Variants in PCDH15 observed in about 807,000 individuals in gnomAD.
PCDH15 encodes protocadherin related 15.
Under a neutral mutation model 178.5 loss-of-function variants are expected in PCDH15, and 129 were observed. The ratio of observed to expected loss-of-function variants is 0.72; its 90% CI spans 0.63 to 0.84. The LOEUF (loss-of-function observed/expected upper bound fraction) is 0.84. Among genes scored for constraint, PCDH15 ranks in the 40% least tolerant of loss-of-function variants. The pLI, the probability that PCDH15 is intolerant of heterozygous loss-of-function variation, is 0.00. For synonymous variants in PCDH15, 800 were observed against 732.0 expected (o/e 1.09, Z -1.50); for missense variants, 2,230 against 2,099.9 (o/e 1.06, Z -1.21).
chr10:54,430,788 A>G (rs1956875544), intron 3 of PCDH15, among the ~76,000 whole-genome samples: 1 of 152,132 alleles, frequency 6.6e-6, no homozygotes, highest in Non-Finnish European at 1.5e-5. Flanking sequence ...AAAAATTCCA[A>G]TGAAGAAAAC....
chr10:54,969,280 T>G (rs1156688580), intron 2 of PCDH15, among the ~76,000 whole-genome samples: 1 of 152,158 alleles, frequency 6.6e-6, no homozygotes, highest in African/African-American at 2.4e-5. Flanking sequence ...TGGTATGGCT[T>G]TTTTTATTTA....
At chr10:54,281,164 C>T (rs1027751788) in intron 8 of PCDH15, among the ~76,000 whole-genome samples, 1 of 151,814 alleles carries the variant, frequency 6.6e-6, no homozygotes, top group Non-Finnish European at 1.5e-5. Context: ...TAGAAAAATT[C>T]TCAGCCCACT....
At chr10:54,833,222 T>C (rs1953256330) in intron 3 of PCDH15, among the ~76,000 whole-genome samples, 1 of 152,142 alleles carries the variant, frequency 6.6e-6, no homozygotes, top group South Asian at 2.1e-4. Flanking sequence ...TCTCTCATGA[T>C]TGCATCATTA....
chr10:55,420,613 G>A (rs999982548), intron 2 of PCDH15, among the ~76,000 whole-genome samples: 46 of 151,344 alleles, frequency 3.0e-4, no homozygotes, highest in African/African-American at 9.4e-4. Context: ...TGGAGCATGG[G>A]GAACAGGAAA....
At chr10:54,863,146 T>A (rs1591749822) in intron 3 of PCDH15, among the ~76,000 whole-genome samples, 1 of 152,324 alleles carries the variant, frequency 6.6e-6, no homozygotes, top group Non-Finnish European at 1.5e-5. Context: ...TAAGTTATAA[T>A]GATGTTCTAT....
intron 3 of PCDH15, among the ~76,000 whole-genome samples, chr10:54,821,840 T>C (rs1162562583): frequency 6.6e-6 from 1 of 151,556 alleles, no homozygotes; most frequent in Non-Finnish European, 1.5e-5. Context: ...TTTGGAGGAA[T>C]TTTTTTTTAT....
intron 2 of PCDH15, among the ~76,000 whole-genome samples, chr10:54,965,169 G>C (rs1256236904): frequency 1.3e-5 from 2 of 152,106 alleles, no homozygotes; most frequent in African/African-American, 2.4e-5. Flanking sequence ...ACAATATTTT[G>C]CAAGTAAGGT....
In PCDH15 at chr10:55,371,230, T is replaced by G. The variant is rs1845500704; in HGVS notation, c.-155-204579A>C. 2.6e-5 allele frequency among the ~76,000 whole-genome samples: 4 copies of G among 152,120 alleles called. No individual in the cohort carries two copies. The South Asian group carries it at 8.3e-4, about 32-fold the overall frequency. The stretch of plus-strand genomic sequence containing the variant: ...TAATTATAGGGAGACTACTACAGAC[T>G]GATTATTCTCAAATGTGATCTCATA... On this transcript the variant is annotated intron_variant, in intron 2 of 5. Transcript: ENST00000613346.
At chr10:54,610,157 G>A (rs2092912862) in intron 2 of PCDH15, among the ~76,000 whole-genome samples, 1 of 151,776 alleles carries the variant, frequency 6.6e-6, no homozygotes, top group Non-Finnish European at 1.5e-5. Context: ...AGGTAAAGAG[G>A]CTTTGTTTAC....
At chr10:54,142,881 C>CA (rs1338858295) in intron 14 of PCDH15, among the ~76,000 whole-genome samples, 1 of 152,098 alleles carries the variant, frequency 6.6e-6, no homozygotes, top group Non-Finnish European at 1.5e-5. Context: ...GCTTAAGAAA[C>CA]AGAGTCTCCT....
At chr10:54,287,964 A>T (rs564858055) in intron 8 of PCDH15, among the ~76,000 whole-genome samples, 1 of 152,268 alleles carries the variant, frequency 6.6e-6, no homozygotes, top group East Asian at 1.9e-4. Flanking sequence ...GGCACTTCAC[A>T]TAATGGGGGA....
intron 1 of PCDH15, among the ~76,000 whole-genome samples, chr10:55,171,417 C>T (rs936756614): frequency 6.6e-6 from 1 of 152,106 alleles, no homozygotes; most frequent in African/African-American, 2.4e-5. Flanking sequence ...GTCCCAAAGT[C>T]CTAATGACTC....
chr10:54,786,568 T>C (rs1461501345), intron 1 of PCDH15, among the ~76,000 whole-genome samples: 1 of 151,998 alleles, frequency 6.6e-6, no homozygotes, highest in Non-Finnish European at 1.5e-5. Flanking sequence ...GATTTATTCA[T>C]TTAATAAACA....
intron 8 of PCDH15, among the ~76,000 whole-genome samples, chr10:54,313,395 A>G (rs1481190685): frequency 6.6e-6 from 1 of 152,128 alleles, no homozygotes; most frequent in Non-Finnish European, 1.5e-5. Flanking sequence ...TACTCAAAAT[A>G]TGAATATTAT....
intron 1 of PCDH15, among the ~76,000 whole-genome samples, chr10:55,207,797 T>C (rs1156383722): frequency 1.3e-5 from 2 of 152,024 alleles, no homozygotes; most frequent in African/African-American, 2.4e-5. Context: ...GTGAAACCCG[T>C]CTTTATTAAA....
intron 1 of PCDH15, among the ~76,000 whole-genome samples, chr10:55,205,072 C>A (rs941084227): frequency 1.3e-5 from 2 of 152,022 alleles, no homozygotes; most frequent in African/African-American, 2.4e-5. Flanking sequence ...TCAGATCTTA[C>A]TTCCAAGCAA....
At chr10:55,478,401 G>GTCA (rs1840105756) in intron 2 of PCDH15, among the ~76,000 whole-genome samples, 2 of 151,262 alleles carry the variant, frequency 1.3e-5, no homozygotes, top group African/African-American at 4.9e-5. Context: ...AATACTGATG[G>GTCA]GTCAATCAAT....
At chr10:54,638,606 C>A (rs922663735) in intron 2 of PCDH15, among the ~76,000 whole-genome samples, 3 of 151,958 alleles carry the variant, frequency 2.0e-5, no homozygotes, top group African/African-American at 7.3e-5. Context: ...ACTAGCCTAT[C>A]TTTTATTATT....
At chr10:54,903,326 G>A (rs1014106161) in intron 2 of PCDH15, among the ~76,000 whole-genome samples, 1 of 152,034 alleles carries the variant, frequency 6.6e-6, no homozygotes, top group African/African-American at 2.4e-5. Flanking sequence ...TCTTAGCAAA[G>A]CATTACTCAT....
Sources: gnomAD v4.1 joint callset for allele counts (sites outside exome capture counted in the v4.1 genomes callset) on GRCh38, gnomAD v4.1.1 for gene constraint, MANE v1.5 for transcripts, NCBI Gene and HGNC (gene_info 2026-07-23, HGNC 2026-07-21) for gene names.